The following DLX5 variants were observed in gnomAD, a reference collection of about 807,000 sequenced individuals.
DLX5 encodes the protein homeobox protein DLX-5.
DLX5 carries 8 observed loss-of-function variants against 27.1 expected under a neutral mutation model. The ratio of observed to expected loss-of-function variants is 0.30; its 90% CI spans 0.17 to 0.53. The LOEUF (loss-of-function observed/expected upper bound fraction) is 0.53. Ranked by LOEUF, DLX5 falls within the 20% of genes least tolerant of loss-of-function variation. The probability of loss-of-function intolerance (pLI) is 0.95; values close to 1 mark genes in which losing one functional copy is unlikely to be tolerated. For missense variants in DLX5, 339 were observed against 375.1 expected (o/e 0.90, Z 0.80); for synonymous variants, 178 against 161.9 (o/e 1.10, Z -0.75).
intron 2 of DLX5, 84 bp from the exon 3 acceptor site, chr7:97,021,149 T>G: frequency 7.5e-7 from 1 of 1,338,980 alleles, no homozygotes; most frequent in Non-Finnish European, 1.0e-6. Context: ...GGAGGCATCT[T>G]CGGACCTCTG....
rs1156699150 is a variant in DLX5 at position 97,024,530 on chromosome 7, G to C, written c.94C>G (p.Gln32Glu). The C allele has an allele frequency of 1.9e-6, 3 of 1,614,258 alleles. No individual in the cohort carries two copies. The South Asian group carries it at 3.3e-5, about 18-fold the overall frequency. Residue 32 changes from glutamine to glutamate, a missense_variant, in exon 1 of 3, where the codon CAG becomes GAG. By Grantham distance (29) the Gln-to-Glu change is conservative. This residue lies in a region of DLX5 where 188 missense variants were observed against 206.1 expected (regional missense o/e 0.91). Coordinates refer to ENST00000648378, the MANE Select transcript of DLX5 (RefSeq NM_005221.6). This position sits in a 1 kb window ranked among gnomAD's most constrained non-coding sequence, Gnocchi z 4.6. Reference sequence around the variant, plus strand: ...GACTCGGGCAAAGTTGGCGATTCCTGAGACGGATGGTGCATAGCTGCGGAC... The same window carrying C: ...GACTCGGGCAAAGTTGGCGATTCCTCAGACGGATGGTGCATAGCTGCGGAC... ...QTSAAMHHPS[Q>E]ESPTLPESSA...
chr7:97,020,815 G>A lies in DLX5; in HGVS notation c.791C>T (p.Ala264Val). Reference protein sequence around the residue: ...ENSASWYTSAASSINSHLPPP... With the variant: ...ENSASWYTSAVSSINSHLPPP... ...CGGCAGGTGGGAATTGATTGAGCTG[G>A]CTGCACTTGTGTACCAGGATGCAGA... The change falls in exon 3 of 3, where the codon GCC becomes GTC. Residue 264 changes from alanine (A) to valine (V), a missense_variant. Physicochemically the swap from Ala to Val is moderately conservative, Grantham distance 64 (BLOSUM62 0). Coordinates refer to ENST00000648378, the MANE Select transcript of DLX5 (RefSeq NM_005221.6). 1.9e-6 allele frequency: 3 copies of A among 1,613,900 alleles called. No homozygotes were observed. The highest frequency in any genetic ancestry group is 2.5e-6 in the Non-Finnish European group (3 of 1,179,808).
chr7:97,020,707 A>C lies in DLX5; in HGVS notation c.*29T>G. The C allele has an allele frequency of 6.6e-7, 1 of 1,508,960 alleles. No individual in the cohort carries two copies. Among genetic ancestry groups the C allele is most frequent in the South Asian group, 1.3e-5 (1 of 74,386 alleles). 93.5% of individuals were successfully genotyped at this position (1,508,960 alleles called of 1,614,324 possible). On this transcript the variant is annotated 3_prime_UTR_variant, in exon 3 of 3. Transcript: ENST00000648378. ...TAGAACAGCAAAACACAGTAGTCCC[A>C]AAAAAGAGAGTAAGAGAGAGCAGCC...
Position 97,022,251 on chromosome 7 carries a change from C to G in DLX5, c.474G>C (p.Lys158Asn), listed in dbSNP as rs760840290. 1.2e-6 allele frequency: 2 copies of G among 1,614,238 alleles called. No individual in the cohort carries two copies. The highest frequency in any genetic ancestry group is 2.2e-5 in the South Asian group (2 of 91,086). Residue 158 changes from lysine to asparagine, a missense_variant, in exon 2 of 3, where the codon AAG becomes AAC. Lys to Asn is a moderately conservative substitution (Grantham distance 94). Coordinates refer to ENST00000648378, the MANE Select transcript of DLX5 (RefSeq NM_005221.6). ...QLAALQRRFQ[K>N]TQYLALPERA... ...GTTCCGGCAAGGCGAGGTACTGAGTCTTCTGAAACCTTCTCTGTAATGCGG... is the reference window on the plus strand; with the variant it reads ...GTTCCGGCAAGGCGAGGTACTGAGTGTTCTGAAACCTTCTCTGTAATGCGG...
Position 97,021,083 on chromosome 7 carries a change from G to C in DLX5, c.541-18C>G. 6.3e-7 allele frequency: 1 copy of C among 1,587,710 alleles called. No homozygotes were observed. Among genetic ancestry groups the C allele is most frequent in the Non-Finnish European group, 8.6e-7 (1 of 1,164,326 alleles). On this transcript the variant is annotated intron_variant, in intron 2 of 2. Transcript: ENST00000648378. The stretch of plus-strand genomic sequence containing the variant: ...ATTTTCACCTGAGTTGGGGAACAAA[G>C]GCACACGTTACCGGGACACTCAGAG...
intron 2 of DLX5, chr7:97,021,899 C>T: frequency 1.7e-6 from 1 of 599,196 alleles, no homozygotes; most frequent in Admixed American, 3.0e-5. Context: ...AATAACCCTC[C>T]GCTTGCTTTC....
At position 97,024,731 on chromosome 7, in the gene DLX5, GGAGGAGGAGGAA is replaced by G. The variant is rs1181943077; in HGVS notation, c.-120_-109del. 6 of 964,390 alleles carry G rather than the reference GGAGGAGGAGGAA, an allele frequency of 6.2e-6. No homozygotes were observed. In the African/African-American group the frequency reaches 6.5e-5, roughly 10 times the overall value. The allele number at this position is 964,390 out of a possible 1,614,324, so 59.7% of individuals were successfully genotyped here. A position where few individuals can be genotyped will look rare whatever the true frequency, so the allele number is the denominator to read the frequency against. ...AAGCAGACATGGCTGTGGGAGCGAGGGAGGAGGAGGAAGAGGAGGAGGAGAGAAGGAGGAGGC... is the reference window on the plus strand; with the variant it reads ...AAGCAGACATGGCTGTGGGAGCGAGGGAGGAGGAGGAGAGAAGGAGGAGGC... On this transcript the variant is annotated 5_prime_UTR_variant, in exon 1 of 3. Coordinates refer to ENST00000648378, the MANE Select transcript of DLX5 (RefSeq NM_005221.6). This position sits in a 1 kb window ranked among gnomAD's most constrained non-coding sequence, Gnocchi z 4.6.
chr7:97,021,651 C>T (rs1790062539), intron 2 of DLX5, among the ~76,000 whole-genome samples: 1 of 152,142 alleles, frequency 6.6e-6, no homozygotes. Context: ...ATGGGACAAT[C>T]CAGGAAGACT....
Position 97,024,651 on chromosome 7 carries a change from C to T in DLX5, c.-28G>A. 1 of 1,562,846 alleles carries T rather than the reference C, an allele frequency of 6.4e-7. No homozygotes were observed. Among genetic ancestry groups the T allele is most frequent in the Non-Finnish European group, 8.7e-7 (1 of 1,151,500 alleles). ...CTCACGGGCGGCGGCAGCGGCTGTC[C>T]TTGCTGTTGTGGCGGCGGCAGCTGC... On this transcript the variant is annotated 5_prime_UTR_variant, in exon 1 of 3. Transcript: ENST00000648378. This position sits in a 1 kb window ranked among gnomAD's most constrained non-coding sequence, Gnocchi z 4.6.
rs1221605189 is a variant in DLX5, at chr7:97,024,348, A to C, written c.276T>G (p.Tyr92Ter). Residue 92 changes from tyrosine to a stop codon, truncating the protein, a stop_gained, in exon 1 of 3, where the codon TAT becomes TAG. Transcript: ENST00000648378. LOFTEE classifies it high-confidence loss of function. This position sits in a 1 kb window ranked among gnomAD's most constrained non-coding sequence, Gnocchi z 4.6. Reference sequence around the variant, plus strand: ...AGGAGCTAGCGTAGCTATAGTCGGCATAAGCTTTGGCTGGGTAGCTCCCGG... The same window carrying C: ...AGGAGCTAGCGTAGCTATAGTCGGCCTAAGCTTTGGCTGGGTAGCTCCCGG... ...GSAGSYPAKA[Y>*]ADYSYASSYH... 1 of 1,614,244 alleles carries C rather than the reference A, an allele frequency of 6.2e-7. No individual in the cohort carries two copies.
intron 2 of DLX5, among the ~76,000 whole-genome samples, chr7:97,021,613 C>T (rs948501342): frequency 6.6e-6 from 1 of 152,158 alleles, no homozygotes; most frequent in African/African-American, 2.4e-5. Flanking sequence ...CTTCCGTAGG[C>T]CCCAGCTGGG....
At chr7:97,021,569 G>T (rs1423573277) in intron 2 of DLX5, among the ~76,000 whole-genome samples, 1 of 152,212 alleles carries the variant, frequency 6.6e-6, no homozygotes, top group Non-Finnish European at 1.5e-5. Context: ...GAATCTGACT[G>T]CAGCTCTTGG....
chr7:97,021,184 TC>T, intron 2 of DLX5, 119 bp from the exon 3 acceptor site: 1 of 949,172 alleles, frequency 1.1e-6, no homozygotes, highest in Non-Finnish European at 1.5e-6. Flanking sequence ...GCCTGGCGTC[TC>T]CCCGCCGCTT....
At chr7:97,021,169 G>C in intron 2 of DLX5, 104 bp from the exon 3 acceptor site, 1 of 1,091,016 alleles carries the variant, frequency 9.2e-7, no homozygotes, top group Admixed American at 2.7e-5. Flanking sequence ...GGGCGGCCCA[G>C]CCCTGCCTGG....
chr7:97,024,668 G>A lies in DLX5; in HGVS notation c.-45C>T. The stretch of plus-strand genomic sequence containing the variant: ...CGGCTGTCCTTGCTGTTGTGGCGGC[G>A]GCAGCTGCCCTAGTTGGCTGTGGGG... On this transcript the variant is annotated 5_prime_UTR_variant, in exon 1 of 3. Transcript: ENST00000648378. This position sits in a 1 kb window ranked among gnomAD's most constrained non-coding sequence, Gnocchi z 4.6. 6.6e-7 allele frequency: 1 copy of A among 1,516,636 alleles called. No homozygotes were observed. The highest frequency in any genetic ancestry group is 1.2e-5 in the South Asian group (1 of 80,034). The allele number at this position is 1,516,636 out of a possible 1,614,324, so 93.9% of individuals were successfully genotyped here.
rs763893111 is a variant in DLX5, at chr7:97,020,925, C to T, written c.681G>A (p.Gln227=). ...GGTGGCTGAGCGAGCGGGACGAGCC[C>T]TGGGGCTCCCACACCGCTGGAGACT... The part of the protein sequence containing the change: ...SPQSPAVWEP[Q]GSSRSLSHHP... Residue 227 remains glutamine (Q), a synonymous_variant, in exon 3 of 3, where the codon CAG becomes CAA. Transcript: ENST00000648378. The T allele has an allele frequency of 8.1e-5, 130 of 1,613,956 alleles. No homozygotes were observed. Among genetic ancestry groups the T allele is most frequent in the Non-Finnish European group, 1.1e-4 (127 of 1,180,052 alleles).
At position 97,024,435 on chromosome 7, in the gene DLX5, C is replaced by T; in HGVS notation, c.189G>A (p.Ser63=). The part of the protein sequence containing the change: ...GAPHGYCSPT[S]ASYGKALNPY... ...GGTTGAGAGCTTTGCCATAGGAAGC[C>T]GAGGTAGGAGAGCAGTAGCCGTGCG... is the stretch of plus-strand genomic sequence containing the variant. The change falls in exon 1 of 3, where the codon TCG becomes TCA. Residue 63 remains serine (S), a synonymous_variant. Transcript: ENST00000648378. The surrounding 1 kb of genome is among the most constrained non-coding windows in gnomAD (Gnocchi z 4.6). 6.2e-7 allele frequency: 1 copy of T among 1,614,234 alleles called. No individual in the cohort carries two copies. The highest frequency in any genetic ancestry group is 8.5e-7 in the Non-Finnish European group (1 of 1,180,044).
chr7:97,020,716 A>T lies in DLX5; in HGVS notation c.*20T>A, dbSNP rs1790026090. 1 of 1,533,722 alleles carries T rather than the reference A, an allele frequency of 6.5e-7. No homozygotes were observed. Among genetic ancestry groups the T allele is most frequent in the Admixed American group, 2.1e-5 (1 of 48,626 alleles). On this transcript the variant is annotated 3_prime_UTR_variant, in exon 3 of 3. Transcript: ENST00000648378. Reference sequence around the variant, plus strand: ...AAAACACAGTAGTCCCAAAAAAGAGAGTAAGAGAGAGCAGCCCATCTAATA... The same window carrying T: ...AAAACACAGTAGTCCCAAAAAAGAGTGTAAGAGAGAGCAGCCCATCTAATA...
At chr7:97,021,860 C>G in intron 2 of DLX5, 5 of 573,522 alleles carry the variant, frequency 8.7e-6, no homozygotes, top group South Asian at 2.3e-5. Context: ...AACCAGATAG[C>G]TGCTCTGGGC....
Sources: allele counts gnomAD v4.1 joint callset (sites outside exome capture counted in the v4.1 genomes callset), GRCh38; gene constraint gnomAD v4.1.1; regional missense constraint gnomAD v4.1.1; non-coding constraint Gnocchi (gnomAD v3.1); transcripts MANE v1.5; gene names NCBI Gene and HGNC (gene_info 2026-07-23, HGNC 2026-07-21).